Variants in MAGI2 observed in about 807,000 individuals in gnomAD.
MAGI2 encodes the protein membrane-associated guanylate kinase, WW and PDZ domain-containing protein 2.
Under a neutral mutation model 133.3 loss-of-function variants are expected in MAGI2, and 35 were observed. The ratio of observed to expected loss-of-function variants is 0.26; its 90% CI spans 0.20 to 0.35. The LOEUF is 0.35. Among genes scored for constraint, MAGI2 ranks in the 10% least tolerant of loss-of-function variants. The pLI is 1.00. For synonymous variants in MAGI2, 729 were observed against 710.6 expected, an observed-to-expected ratio of 1.03 and a Z score of -0.41; for missense variants, 1,636 against 1,863.4, an observed-to-expected ratio of 0.88 and a Z score of 2.25.
Position 79,316,690 on chromosome 7 carries a change from C to T in MAGI2, c.301+136330G>A, listed in dbSNP as rs533191086. Among the ~76,000 whole-genome samples the T allele has an allele frequency of 2.6e-5, 4 of 152,262 alleles. No individual in the cohort carries two copies. In the South Asian group the frequency reaches 6.2e-4, roughly 24 times the overall value. On this transcript the variant is annotated intron_variant, in intron 1 of 21. Coordinates refer to ENST00000354212, the MANE Select transcript of MAGI2 (RefSeq NM_012301.4). ...ATTTTGAGACTAATGTTGTATCAGACCAATTCCGTCTCTTTTAACAGAATT... is the reference window on the plus strand; with the variant it reads ...ATTTTGAGACTAATGTTGTATCAGATCAATTCCGTCTCTTTTAACAGAATT...
At chr7:79,006,217 A>T (rs1483225269) in intron 2 of MAGI2, among the ~76,000 whole-genome samples, 1 of 152,126 alleles carries the variant, frequency 6.6e-6, no homozygotes, top group Non-Finnish European at 1.5e-5. Context: ...ATACCAGCCA[A>T]CTTTTTCTTT....
chr7:79,152,472 T>C (rs1022893123), intron 1 of MAGI2, among the ~76,000 whole-genome samples: 8 of 152,208 alleles, frequency 5.3e-5, no homozygotes, highest in Admixed American at 3.9e-4. Context: ...GAAAAAGTAT[T>C]CTTGCTTTTG....
chr7:78,556,026 TAA>T (rs1347907997), intron 3 of MAGI2, among the ~76,000 whole-genome samples: 1 of 152,144 alleles, frequency 6.6e-6, no homozygotes, highest in Non-Finnish European at 1.5e-5. Flanking sequence ...TTAAAGGCCT[TAA>T]ATTCAATATA....
intron 2 of MAGI2, among the ~76,000 whole-genome samples, chr7:78,720,285 C>A (rs927210408): frequency 1.3e-5 from 2 of 152,096 alleles, no homozygotes; most frequent in African/African-American, 4.8e-5. Flanking sequence ...ACACTGAATG[C>A]TTCCTATGTG....
chr7:78,555,105 G>A (rs901645521), intron 3 of MAGI2, among the ~76,000 whole-genome samples: 1 of 151,632 alleles, frequency 6.6e-6, no homozygotes, highest in East Asian at 1.9e-4. Context: ...CTGCACTCCA[G>A]TCTAGGTGAC....
intron 9 of MAGI2, among the ~76,000 whole-genome samples, chr7:78,324,689 G>A (rs147830259): frequency 1.6e-3 from 244 of 152,216 alleles, no homozygotes; most frequent in African/African-American, 5.6e-3. Context: ...GCCCAGGTGC[G>A]GTGGCTCACA....
rs139292750 is a variant in MAGI2 at position 78,380,820 on chromosome 7, G to A, written c.1046-11607C>T. ...CTCACGAGATTATTATGCATTGCAC[G>A]CCGATATTAAAATATCTCATGTATC... On this transcript the variant is annotated intron_variant, in intron 6 of 21. Coordinates refer to ENST00000354212, the MANE Select transcript of MAGI2 (RefSeq NM_012301.4). Among the ~76,000 whole-genome samples the A allele has an allele frequency of 7.7e-3, 1,177 of 152,128 alleles. 14 individuals carry two copies. The highest frequency in any genetic ancestry group is 0.026 in the African/African-American group (1,096 of 41,516).
At chr7:78,421,139 T>C (rs1404250556) in intron 6 of MAGI2, among the ~76,000 whole-genome samples, 1 of 152,068 alleles carries the variant, frequency 6.6e-6, no homozygotes, top group African/African-American at 2.4e-5. Context: ...TACTGGGAGA[T>C]TGCTGATGGG....
At chr7:78,291,950 T>C (rs1298171517) in intron 9 of MAGI2, among the ~76,000 whole-genome samples, 1 of 152,180 alleles carries the variant, frequency 6.6e-6, no homozygotes, top group East Asian at 1.9e-4. Context: ...GTAAGAGCTA[T>C]TTATGACAAA....
At chr7:78,350,139 A>C (rs1791353436) in intron 7 of MAGI2, 1 of 152,234 alleles carries the variant, frequency 6.6e-6, no homozygotes, top group African/African-American at 2.4e-5. Flanking sequence ...GGGAAAGACT[A>C]CTGATGAGAG....
chr7:78,907,268 C>G (rs1241232288), intron 2 of MAGI2, among the ~76,000 whole-genome samples: 1 of 152,126 alleles, frequency 6.6e-6, no homozygotes, highest in Non-Finnish European at 1.5e-5. Context: ...GGTCAGATTC[C>G]TTAATACCAG....
At chr7:78,757,576 T>G (rs1824080992) in intron 2 of MAGI2, among the ~76,000 whole-genome samples, 1 of 152,178 alleles carries the variant, frequency 6.6e-6, no homozygotes, top group African/African-American at 2.4e-5. Flanking sequence ...TCAATGTCAC[T>G]AAAGCCAATG....
chr7:78,290,142 T>C (rs1237168949), intron 9 of MAGI2, among the ~76,000 whole-genome samples: 1 of 152,142 alleles, frequency 6.6e-6, no homozygotes, highest in Admixed American at 6.5e-5. Flanking sequence ...ATGCCCCAAT[T>C]AAAAGACAGA....
chr7:79,353,303 T>C (rs1841809770), intron 1 of MAGI2: 1 of 371,390 alleles, frequency 2.7e-6, no homozygotes, highest in African/African-American at 2.1e-5. Flanking sequence ...CCTGAACACA[T>C]TCACGATGAA....
chr7:79,085,509 T>C (rs758957902), intron 1 of MAGI2, among the ~76,000 whole-genome samples: 1 of 151,920 alleles, frequency 6.6e-6, no homozygotes, highest in African/African-American at 2.4e-5. Context: ...TTCTGTTGAC[T>C]GAATTTTACT....
chr7:78,928,428 C>T (rs181225633), intron 2 of MAGI2, among the ~76,000 whole-genome samples: 1 of 151,728 alleles, frequency 6.6e-6, no homozygotes, highest in Non-Finnish European at 1.5e-5. Context: ...CCCTCAAGAA[C>T]TGGAGATACC....
At chr7:78,765,281 A>G (rs1001868752) in intron 2 of MAGI2, among the ~76,000 whole-genome samples, 2 of 144,964 alleles carry the variant, frequency 1.4e-5, no homozygotes, top group African/African-American at 5.1e-5. Context: ...TTCCCACTAT[A>G]TTGCTGCCTT....
At chr7:79,017,018 C>A (rs1373211077) in intron 1 of MAGI2, among the ~76,000 whole-genome samples, 1 of 152,268 alleles carries the variant, frequency 6.6e-6, no homozygotes, top group African/African-American at 2.4e-5. Context: ...GCCAACACTG[C>A]TGTTGCAAGT....
intron 9 of MAGI2, among the ~76,000 whole-genome samples, chr7:78,331,403 A>G (rs1461230291): frequency 6.6e-6 from 1 of 152,250 alleles, no homozygotes; most frequent in Non-Finnish European, 1.5e-5. Context: ...ATGGCAGTCC[A>G]GATAGCAGAA....
Sources: gnomAD v4.1 joint callset for allele counts (sites outside exome capture counted in the v4.1 genomes callset) on GRCh38, gnomAD v4.1.1 for gene constraint, MANE v1.5 for transcripts, NCBI Gene and HGNC (gene_info 2026-07-23, HGNC 2026-07-21) for gene names.